The following SLC44A2 variants were observed in gnomAD, a reference collection of about 807,000 sequenced individuals.
The protein encoded by SLC44A2 is choline transporter-like protein 2.
SLC44A2 carries 57 observed loss-of-function variants against 90.8 expected under a neutral mutation model. The ratio of observed to expected loss-of-function variants is 0.63; its 90% CI spans 0.51 to 0.78. The LOEUF (loss-of-function observed/expected upper bound fraction) is 0.78. Ranked by LOEUF, SLC44A2 falls within the 30% of genes least tolerant of loss-of-function variation. SLC44A2 has a pLI of 0.00. For synonymous variants in SLC44A2, 355 were observed against 360.7 expected (o/e 0.98, Z 0.18); for missense variants, 794 against 919.7 (o/e 0.86, Z 1.77).
chr19:10,634,298 C>CTATTAAAA (rs2067029636), intron 10 of SLC44A2, among the ~76,000 whole-genome samples: 4 of 151,032 alleles, frequency 2.6e-5, no homozygotes, highest in Non-Finnish European at 5.9e-5. Flanking sequence ...AACCCCATCT[C>CTATTAAAA]TATTAAAAAT....
chr19:10,635,129 T>C (rs746197503), intron 12 of SLC44A2, 34 bp from the exon 13 acceptor site: 5 of 1,613,732 alleles, frequency 3.1e-6, no homozygotes. Context: ...GTTGTGTCTT[T>C]TGCCCTGACG....
chr19:10,618,174 T>C, intron 1 of SLC44A2, among the ~76,000 whole-genome samples: 3 of 6,616 alleles, frequency 4.5e-4, no homozygotes, highest in Admixed American at 3.5e-3. Context: ...CTGGCTAATT[T>C]TTTTTTTTTT....
intron 1 of SLC44A2, among the ~76,000 whole-genome samples, chr19:10,607,537 TTA>T (rs1390789805): frequency 1.3e-5 from 2 of 150,190 alleles, no homozygotes; most frequent in Admixed American, 6.7e-5. Context: ...TTTTTTTTTT[TTA>T]GAGGCAGGGT....
intron 20 of SLC44A2, among the ~76,000 whole-genome samples, chr19:10,640,085 T>TTA (rs2067099317): frequency 1.9e-5 from 1 of 52,074 alleles, no homozygotes; most frequent in African/African-American, 1.6e-4. Flanking sequence ...GTCCACTGAC[T>TTA]TTTTTTTTTT....
At chr19:10,639,426 G>A in intron 20 of SLC44A2, among the ~76,000 whole-genome samples, 1 of 94,732 alleles carries the variant, frequency 1.1e-5, no homozygotes, top group African/African-American at 5.1e-5. Flanking sequence ...CTGTGGTGGG[G>A]GCTGGGCAGG....
rs2067142678 is a variant in SLC44A2, at chr19:10,643,795, C to T, written c.*410C>T. ...CACCCACGTTTATTCCTGCCTGCTCCGGCCAGGACTGAACCCCTTCTCCAC... is the reference window on the plus strand; with the variant it reads ...CACCCACGTTTATTCCTGCCTGCTCTGGCCAGGACTGAACCCCTTCTCCAC... On this transcript the variant is annotated 3_prime_UTR_variant, in exon 22 of 22. Transcript: ENST00000335757. The T allele has an allele frequency of 5.8e-6, 1 of 173,062 alleles. No homozygotes were observed. Among genetic ancestry groups the T allele is most frequent in the Non-Finnish European group, 1.2e-5 (1 of 80,788 alleles). The allele number at this position is 173,062 out of a possible 1,614,324, so 10.7% of individuals were successfully genotyped here.
At chr19:10,628,182 C>T (rs1214706832) in intron 4 of SLC44A2, among the ~76,000 whole-genome samples, 178 bp downstream of exon 4, 1 of 152,078 alleles carries the variant, frequency 6.6e-6, no homozygotes, top group African/African-American at 2.4e-5. Flanking sequence ...GCTAGGAGTT[C>T]GAGACCAGCC....
intron 10 of SLC44A2, among the ~76,000 whole-genome samples, chr19:10,633,806 T>C (rs952105414): frequency 1.3e-5 from 2 of 152,104 alleles, no homozygotes; most frequent in Non-Finnish European, 2.9e-5. Flanking sequence ...TGCTTGGCAA[T>C]CCAATTTGAG....
chr19:10,617,279 G>A (rs577429662), intron 1 of SLC44A2, among the ~76,000 whole-genome samples: 7 of 152,070 alleles, frequency 4.6e-5, no homozygotes, highest in African/African-American at 9.7e-5. Flanking sequence ...CCCATCCTGC[G>A]GGGTTTAGAT....
chr19:10,615,592 CT>C (rs2066848908), intron 1 of SLC44A2, among the ~76,000 whole-genome samples: 1 of 150,000 alleles, frequency 6.7e-6, no homozygotes, highest in East Asian at 2.0e-4. Flanking sequence ...AAAAAATGGT[CT>C]TCACATTGAG....
upstream of SLC44A2, among the ~76,000 whole-genome samples, chr19:10,623,418 G>A (rs1215631270): frequency 6.6e-6 from 1 of 152,104 alleles, no homozygotes; most frequent in Non-Finnish European, 1.5e-5. Flanking sequence ...CACGCTGACT[G>A]TATAACCTCA....
chr19:10,611,957 C>A (rs78498973), intron 1 of SLC44A2, among the ~76,000 whole-genome samples: 3,080 of 152,266 alleles, frequency 0.02, 106 homozygotes, highest in African/African-American at 0.07. Context: ...GTGAAAGAAT[C>A]TTCTACAAAT....
intron 1 of SLC44A2, among the ~76,000 whole-genome samples, chr19:10,614,986 A>G (rs575154087): frequency 3.0e-4 from 46 of 151,202 alleles, no homozygotes; most frequent in Admixed American, 8.6e-4. Flanking sequence ...AAAAAAAAAA[A>G]AAGAAGAAGA....
At chr19:10,634,460 G>A (rs185439135) in intron 10 of SLC44A2, among the ~76,000 whole-genome samples, 4 of 145,654 alleles carry the variant, frequency 2.7e-5, no homozygotes, top group Admixed American at 1.4e-4. Flanking sequence ...GTGAAACTCC[G>A]TCTCAAAAAA....
intron 14 of SLC44A2, 127 bp from the exon 15 acceptor site, chr19:10,636,196 C>A (rs2067052230): frequency 8.7e-7 from 1 of 1,150,440 alleles, no homozygotes. Context: ...TAATTCCTTC[C>A]CTTAACTTCA....
chr19:10,604,220 G>A (rs1918037385), intron 1 of SLC44A2, among the ~76,000 whole-genome samples: 2 of 152,198 alleles, frequency 1.3e-5, no homozygotes, highest in African/African-American at 2.4e-5. Context: ...GACGTCGTGT[G>A]ATCTTGTGTG....
At chr19:10,620,925 G>A (rs2066890804), upstream of SLC44A2, among the ~76,000 whole-genome samples, 1 of 152,088 alleles carries the variant, frequency 6.6e-6, no homozygotes, top group Admixed American at 6.6e-5. Context: ...TATAGTCACA[G>A]CTACTTGGGA....
intron 1 of SLC44A2, among the ~76,000 whole-genome samples, chr19:10,618,390 G>C (rs2066872083): frequency 6.6e-6 from 1 of 150,886 alleles, no homozygotes; most frequent in Non-Finnish European, 1.5e-5. Flanking sequence ...TAGCCAGGAT[G>C]GTCTCGATCT....
At chr19:10,631,018 A>G (rs1599248012) in intron 4 of SLC44A2, 39 bp from the exon 5 acceptor site, 1 of 1,554,440 alleles carries the variant, frequency 6.4e-7, no homozygotes. Context: ...AAAAAAAAAA[A>G]AATCTTAACA....
Sources: gnomAD v4.1 joint callset for allele counts (sites outside exome capture counted in the v4.1 genomes callset) on GRCh38, gnomAD v4.1.1 for gene constraint, MANE v1.5 for transcripts, NCBI Gene and HGNC (gene_info 2026-07-23, HGNC 2026-07-21) for gene names.